The following PLEKHG1 variants were observed in gnomAD, a reference collection of about 807,000 sequenced individuals.
PLEKHG1 encodes the protein pleckstrin homology and RhoGEF domain containing G1, also known as pleckstrin homology domain-containing family G member 1.
Under a neutral mutation model 100.8 loss-of-function variants are expected in PLEKHG1, and 44 were observed. The observed-to-expected ratio is 0.44, with a 90% CI of 0.34 to 0.56. The LOEUF (loss-of-function observed/expected upper bound fraction) is 0.56, where lower values mean the gene tolerates loss of function less well. Among genes scored for constraint, PLEKHG1 ranks in the 20% least tolerant of loss-of-function variants. The pLI is 0.01. For missense variants in PLEKHG1, 1,545 were observed against 1,720.9 expected, an observed-to-expected ratio of 0.90 and a Z score of 1.81; for synonymous variants, 640 against 662.5, an observed-to-expected ratio of 0.97 and a Z score of 0.52.
At chr6:150,703,868 TG>T (rs1392516888) in intron 3 of PLEKHG1, among the ~76,000 whole-genome samples, 1 of 152,214 alleles carries the variant, frequency 6.6e-6, no homozygotes, top group Non-Finnish European at 1.5e-5. Flanking sequence ...TTTGAAAACT[TG>T]CAGAATTTCA....
chr6:150,604,902 A>G (rs4365945), intron 1 of PLEKHG1, among the ~76,000 whole-genome samples: 125,088 of 152,172 alleles, frequency 0.82, 51,454 homozygotes, highest in Admixed American at 0.85. Flanking sequence ...AGGCACCCAC[A>G]GCCCTTGTAT....
At chr6:150,614,381 T>C (rs1582813397) in intron 1 of PLEKHG1, among the ~76,000 whole-genome samples, 1 of 152,336 alleles carries the variant, frequency 6.6e-6, no homozygotes, top group East Asian at 1.9e-4. Flanking sequence ...ATTTTCTAGC[T>C]AGTTCTTCAT....
chr6:150,719,083 G>A (rs974704370), upstream of PLEKHG1, among the ~76,000 whole-genome samples: 27 of 152,126 alleles, frequency 1.8e-4, no homozygotes, highest in African/African-American at 5.6e-4. Context: ...CAGAAACCGC[G>A]GATGAACTAA....
At chr6:150,795,664 G>A (rs1562525237) in intron 4 of PLEKHG1, among the ~76,000 whole-genome samples, 192 bp from the exon 6 acceptor site, 1 of 151,542 alleles carries the variant, frequency 6.6e-6, no homozygotes, top group Non-Finnish European at 1.5e-5. Context: ...GGAGGTTGCA[G>A]TGAGCCGAGA....
intron 1 of PLEKHG1, among the ~76,000 whole-genome samples, chr6:150,616,068 A>G (rs1777061138): frequency 6.6e-6 from 1 of 152,200 alleles, no homozygotes; most frequent in African/African-American, 2.4e-5. Context: ...CAGTGTTGGG[A>G]TCAGTGCCCA....
At chr6:150,804,625 C>T in exon 7 of PLEKHG1, 1 of 1,589,862 alleles carries the variant, frequency 6.3e-7, no homozygotes, top group Middle Eastern at 1.7e-4. Context: ...AGAAAACCAC[C>T]TTGATAAGGA....
In PLEKHG1 at chr6:150,725,294, C is replaced by G. The variant is rs76256296; in HGVS notation, c.-99+4094C>G. ...ACCTAATCATCTCCCAACAGCCCCC[C>G]CTCCTAATACCATCACCTTGGTGAG... On this transcript the variant is annotated intron_variant, in intron 1 of 15. Transcript: ENST00000358517. Among the ~76,000 whole-genome samples, 526 of 152,268 alleles carry G rather than the reference C, an allele frequency of 3.5e-3. 11 individuals are homozygous for G. The East Asian group carries it at 0.049, about 14-fold the overall frequency.
chr6:150,694,344 T>TA (rs778985574), intron 3 of PLEKHG1, among the ~76,000 whole-genome samples: 12 of 152,228 alleles, frequency 7.9e-5, no homozygotes, highest in Non-Finnish European at 5.9e-5. Flanking sequence ...GGGATGATAG[T>TA]AATATCTGCC....
At chr6:150,742,977 G>A (rs1782962176) in intron 2 of PLEKHG1, among the ~76,000 whole-genome samples, 1 of 152,060 alleles carries the variant, frequency 6.6e-6, no homozygotes, top group African/African-American at 2.4e-5. Flanking sequence ...ATACATACGG[G>A]GAAGGTTTCT....
chr6:150,840,513 G>A, exon 16 of PLEKHG1: 1 of 1,614,124 alleles, frequency 6.2e-7, no homozygotes, highest in Non-Finnish European at 8.5e-7. Context: ...ACCCTTAAAT[G>A]CCCAAATTGC....
chr6:150,766,624 A>T (rs1784466995), intron 2 of PLEKHG1, among the ~76,000 whole-genome samples: 2 of 152,242 alleles, frequency 1.3e-5, no homozygotes, highest in African/African-American at 4.8e-5. Flanking sequence ...GAAAACAAGC[A>T]ACTTTTAAAA....
At chr6:150,778,779 G>A (rs780820862) in intron 3 of PLEKHG1, among the ~76,000 whole-genome samples, 29 of 152,174 alleles carry the variant, frequency 1.9e-4, no homozygotes, top group Non-Finnish European at 3.4e-4. Context: ...TCATGGGGAT[G>A]ATAGCCCCAG....
chr6:150,781,932 C>T (rs1055999587), intron 3 of PLEKHG1, among the ~76,000 whole-genome samples: 13 of 150,910 alleles, frequency 8.6e-5, no homozygotes, highest in Admixed American at 3.9e-4. Flanking sequence ...CCACCACGCC[C>T]GGCTAATTTT....
At position 150,836,206 on chromosome 6, in the gene PLEKHG1, G is replaced by A. The variant is rs754254010; in HGVS notation, c.3095-3627G>A. Among the ~76,000 whole-genome samples the A allele has an allele frequency of 4.6e-5, 7 of 151,792 alleles. No homozygotes were observed. The South Asian group carries it at 6.2e-4, about 14-fold the overall frequency. ...AGCCTGGTCAACATGGTGAAATCTCGTCTCTACTAAAAATACAAAGAATTA... is the reference window on the plus strand; with the variant it reads ...AGCCTGGTCAACATGGTGAAATCTCATCTCTACTAAAAATACAAAGAATTA... On this transcript the variant is annotated intron_variant, in intron 15 of 15. Transcript: ENST00000358517.
In PLEKHG1 at chr6:150,666,261, TG is replaced by T. The variant is rs1386326855; in HGVS notation, c.-99+15476del. Among the ~76,000 whole-genome samples the T allele has an allele frequency of 2.6e-5, 4 of 152,210 alleles. No homozygotes were observed. In the East Asian group the frequency reaches 7.7e-4, roughly 29 times the overall value. The stretch of plus-strand genomic sequence containing the variant: ...GTTGTGGTTGTCTGAAGTCAACTGA[TG>T]CATTCAGGTTGGAATGGCGCCCAGG... On this transcript the variant is annotated intron_variant, in intron 3 of 3. Transcript: ENST00000367326.
At chr6:150,788,793 C>A (rs1785783564) in intron 4 of PLEKHG1, among the ~76,000 whole-genome samples, 1 of 152,160 alleles carries the variant, frequency 6.6e-6, no homozygotes, top group Non-Finnish European at 1.5e-5. Context: ...TGCCTACTCT[C>A]CCTCGTTGTG....
At chr6:150,818,925 G>A (rs113107993) in intron 11 of PLEKHG1, among the ~76,000 whole-genome samples, 4 of 152,272 alleles carry the variant, frequency 2.6e-5, no homozygotes, top group African/African-American at 9.6e-5. Context: ...CCTCCAGCCT[G>A]GCACTTGTTA....
intron 3 of PLEKHG1, 22 bp from the exon 5 acceptor site, chr6:150,786,368 C>G: frequency 6.5e-7 from 1 of 1,542,710 alleles, no homozygotes; most frequent in Non-Finnish European, 9.0e-7. Flanking sequence ...CTAATACTTC[C>G]TGGCTGTTAT....
At chr6:150,777,167 A>G (rs982844356) in intron 3 of PLEKHG1, among the ~76,000 whole-genome samples, 16 of 147,998 alleles carry the variant, frequency 1.1e-4, no homozygotes, top group South Asian at 2.1e-4. Flanking sequence ...CACTGATGCA[A>G]TCCTGGCGTA....
Sources: gnomAD v4.1 joint callset for allele counts (sites outside exome capture counted in the v4.1 genomes callset) on GRCh38, gnomAD v4.1.1 for gene constraint, MANE v1.5 for transcripts, NCBI Gene and HGNC (gene_info 2026-07-23, HGNC 2026-07-21) for gene names.